Variants in MYO3B observed in about 807,000 individuals in gnomAD.
MYO3B encodes myosin IIIB, also known as myosin-IIIb.
MYO3B carries 156 observed loss-of-function variants against 174.6 expected under a neutral mutation model. The observed-to-expected ratio is 0.89, with a 90% CI of 0.78 to 1.02. The LOEUF (loss-of-function observed/expected upper bound fraction) is 1.02. Ranked by LOEUF, MYO3B falls within the 50% of genes least tolerant of loss-of-function variation. The pLI, the probability that MYO3B is intolerant of heterozygous loss-of-function variation, is 0.00. For synonymous variants in MYO3B, 563 were observed against 569.1 expected, an observed-to-expected ratio of 0.99 and a Z score of 0.15; for missense variants, 1,632 against 1,639.4, an observed-to-expected ratio of 1.00 and a Z score of 0.08.
chr2:170,222,872 T>G (rs1292262388), intron 6 of MYO3B, among the ~76,000 whole-genome samples: 1 of 152,144 alleles, frequency 6.6e-6, no homozygotes, highest in East Asian at 1.9e-4. Flanking sequence ...GTCAACTATT[T>G]AGAACCTGCA....
At chr2:170,272,949 C>T (rs1028434140) in intron 7 of MYO3B, among the ~76,000 whole-genome samples, 2 of 152,110 alleles carry the variant, frequency 1.3e-5, no homozygotes, top group African/African-American at 4.8e-5. Context: ...TACAGCAGCA[C>T]AAAACAGACT....
chr2:170,221,312 A>G (rs1316122738), intron 6 of MYO3B, among the ~76,000 whole-genome samples: 1 of 152,076 alleles, frequency 6.6e-6, no homozygotes, highest in Non-Finnish European at 1.5e-5. Flanking sequence ...CCTTGATCCT[A>G]TTTTATTTTT....
At chr2:170,444,121 C>T in intron 23 of MYO3B, 75 bp downstream of exon 23, 2 of 1,330,536 alleles carry the variant, frequency 1.5e-6, no homozygotes, top group Non-Finnish European at 2.2e-6. Context: ...TTAGAGTGGG[C>T]AGCATTAGTT....
intron 7 of MYO3B, among the ~76,000 whole-genome samples, chr2:170,237,237 C>G (rs1275980100): frequency 2.6e-5 from 4 of 152,108 alleles, no homozygotes. Flanking sequence ...GAGCTAAAAG[C>G]TGCATTGTGT....
chr2:170,223,520 G>A (rs1026617711), intron 6 of MYO3B, among the ~76,000 whole-genome samples: 30 of 152,198 alleles, frequency 2.0e-4, no homozygotes, highest in African/African-American at 6.8e-4. Flanking sequence ...AGAGTGGGTA[G>A]GTGGGTAATG....
chr2:170,376,103 G>T (rs1166487756), intron 9 of MYO3B, among the ~76,000 whole-genome samples: 1 of 152,094 alleles, frequency 6.6e-6, no homozygotes, highest in Non-Finnish European at 1.5e-5. Context: ...TGAAAAATGG[G>T]CAGATACTAT....
At chr2:170,306,020 T>G (rs2093698531) in intron 7 of MYO3B, among the ~76,000 whole-genome samples, 1 of 152,212 alleles carries the variant, frequency 6.6e-6, no homozygotes, top group African/African-American at 2.4e-5. Context: ...CAGCCAATGC[T>G]AATCTGCTGG....
At chr2:170,424,529 A>T (rs757641662) in intron 22 of MYO3B, among the ~76,000 whole-genome samples, 50 of 152,150 alleles carry the variant, frequency 3.3e-4, no homozygotes, top group Non-Finnish European at 6.0e-4. Flanking sequence ...AGGCAGGAGA[A>T]TCGCTTGAAC....
At chr2:170,316,015 G>T (rs2093773118) in intron 7 of MYO3B, among the ~76,000 whole-genome samples, 1 of 152,232 alleles carries the variant, frequency 6.6e-6, no homozygotes, top group Non-Finnish European at 1.5e-5. Context: ...CTATTTCAGA[G>T]ATGATTCCAA....
chr2:170,184,462 A>G (rs1454583421), intron 1 of MYO3B, among the ~76,000 whole-genome samples: 2 of 152,156 alleles, frequency 1.3e-5, no homozygotes, highest in Non-Finnish European at 2.9e-5. Flanking sequence ...TGCCTGGCTT[A>G]TTTCACCTAA....
intron 32 of MYO3B, among the ~76,000 whole-genome samples, chr2:170,641,869 G>A (rs1255684606): frequency 2.7e-5 from 2 of 73,946 alleles, no homozygotes; most frequent in Non-Finnish European, 4.4e-5. Context: ...GGGGGGGGGG[G>A]GGGAGGGGCG....
intron 23 of MYO3B, among the ~76,000 whole-genome samples, chr2:170,450,044 A>C (rs1048130626): frequency 6.6e-6 from 1 of 152,226 alleles, no homozygotes; most frequent in South Asian, 2.1e-4. Context: ...CCACTATTAA[A>C]GCTACAACTG....
chr2:170,308,412 C>A (rs899915122), intron 7 of MYO3B, among the ~76,000 whole-genome samples: 9 of 152,178 alleles, frequency 5.9e-5, no homozygotes, highest in African/African-American at 2.2e-4. Context: ...AGAAAGGCAC[C>A]TCCCTGGGCC....
chr2:170,517,127 C>T lies in MYO3B; in HGVS notation c.3472+2105C>T, dbSNP rs560235086. ...AATCTTATTTATCTCTTTAGTTTGACCCAAATCCTTCTCCCTGTTCTTCAG... is the reference window on the plus strand; with the variant it reads ...AATCTTATTTATCTCTTTAGTTTGATCCAAATCCTTCTCCCTGTTCTTCAG... On this transcript the variant is annotated intron_variant, in intron 29 of 34. Transcript: ENST00000408978. Among the ~76,000 whole-genome samples, 6 of 152,324 alleles carry T rather than the reference C, an allele frequency of 3.9e-5. No individual in the cohort carries two copies. The East Asian group carries it at 1.2e-3, about 29-fold the overall frequency.
intron 7 of MYO3B, among the ~76,000 whole-genome samples, chr2:170,241,343 G>A (rs1354344761): frequency 2.0e-5 from 3 of 152,154 alleles, no homozygotes; most frequent in Non-Finnish European, 4.4e-5. Context: ...TAAGGACTTA[G>A]GCTTCCTCTA....
At chr2:170,430,008 AG>A (rs1189831326) in intron 22 of MYO3B, among the ~76,000 whole-genome samples, 1 of 117,352 alleles carries the variant, frequency 8.5e-6, no homozygotes, top group Non-Finnish European at 1.9e-5. Context: ...ACTTATACAC[AG>A]GTTTTTTTTT....
intron 3 of MYO3B, among the ~76,000 whole-genome samples, chr2:170,211,890 C>A (rs1258307569): frequency 6.7e-6 from 1 of 149,842 alleles, no homozygotes; most frequent in Non-Finnish European, 1.5e-5. Flanking sequence ...TAAAACTTTA[C>A]AGAAAATATA....
intron 22 of MYO3B, among the ~76,000 whole-genome samples, chr2:170,424,746 A>G (rs1310551192): frequency 6.6e-6 from 1 of 152,238 alleles, no homozygotes; most frequent in Non-Finnish European, 1.5e-5. Context: ...GTTCTCTTAT[A>G]GGTCCTGAAT....
At chr2:170,333,969 G>C (rs2093929543) in intron 7 of MYO3B, 1 of 152,220 alleles carries the variant, frequency 6.6e-6, no homozygotes, top group African/African-American at 2.4e-5. Context: ...TAGTAAGGAA[G>C]ATTAGGGGGA....
Sources: allele counts gnomAD v4.1 joint callset (sites outside exome capture counted in the v4.1 genomes callset), GRCh38; gene constraint gnomAD v4.1.1; transcripts MANE v1.5; gene names NCBI Gene and HGNC (gene_info 2026-07-23, HGNC 2026-07-21).